SMIM9: variants seen among roughly 807,000 people sequenced by gnomAD.
The protein encoded by SMIM9 is small integral membrane protein 9.
Under a neutral mutation model 7.2 loss-of-function variants are expected in SMIM9, and 8 were observed. The ratio of observed to expected loss-of-function variants is 1.10; its 90% confidence interval spans 0.65 to 1.99. SMIM9 has a LOEUF of 1.99. SMIM9 is among the 30% of genes most tolerant of loss of function. The pLI, the probability that SMIM9 is intolerant of heterozygous loss-of-function variation, is 0.00. For synonymous variants in SMIM9, 19 were observed against 26.4 expected (o/e 0.72, Z 0.86); for missense variants, 76 against 69.3 (o/e 1.10, Z -0.34).
chrX:154,832,920 A>G (rs1248738765), intron 1 of SMIM9, among the ~76,000 whole-genome samples: 1 of 112,469 alleles, frequency 8.9e-6, no homozygotes, highest in Non-Finnish European at 1.9e-5. Flanking sequence ...TAACATATAT[A>G]TGTGGCATTT....
chrX:154,830,210 CCT>C (rs782411803), intron 3 of SMIM9, among the ~76,000 whole-genome samples: 25 of 111,137 alleles, frequency 2.2e-4, no homozygotes, highest in Non-Finnish European at 4.2e-4. Context: ...GTGCTTTGAC[CCT>C]GAAGAAAGAA....
intron 4 of SMIM9, among the ~76,000 whole-genome samples, chrX:154,824,212 C>T (rs2072409167): frequency 2.7e-5 from 3 of 109,196 alleles, no homozygotes; most frequent in Admixed American, 9.7e-5. Flanking sequence ...AAAAAATTAG[C>T]CTGGCGTGGT....
intron 4 of SMIM9, among the ~76,000 whole-genome samples, chrX:154,824,748 A>G (rs1217821867): frequency 8.9e-6 from 1 of 112,276 alleles, no homozygotes; most frequent in Non-Finnish European, 1.9e-5. Context: ...TTCCTTGTAC[A>G]CATATCTTTG....
intron 2 of SMIM9, among the ~76,000 whole-genome samples, chrX:154,831,387 A>G (rs1384749340): frequency 1.8e-5 from 2 of 112,185 alleles, no homozygotes; most frequent in Non-Finnish European, 3.8e-5. Flanking sequence ...TATATATTCA[A>G]GTAACAAACT....
At chrX:154,825,740 A>C (rs1250535559) in intron 4 of SMIM9, among the ~76,000 whole-genome samples, 42 of 110,317 alleles carry the variant, frequency 3.8e-4, no homozygotes, top group Non-Finnish European at 6.5e-4. Flanking sequence ...CTATGCAGCC[A>C]TAAAAAAGGA....
chrX:154,833,649 C>T (rs1000332234), intron 1 of SMIM9, among the ~76,000 whole-genome samples: 1 of 109,758 alleles, frequency 9.1e-6, no homozygotes, highest in South Asian at 3.9e-4. Flanking sequence ...TGGGTGCACC[C>T]AACCACCGTG....
intron 4 of SMIM9, among the ~76,000 whole-genome samples, chrX:154,828,246 G>T (rs1557270329): frequency 9.0e-6 from 1 of 111,317 alleles, no homozygotes; most frequent in Non-Finnish European, 1.9e-5. Flanking sequence ...TCTGAGGGTG[G>T]CTCTGCTTGG....
chrX:154,826,762 C>A (rs902797419), intron 4 of SMIM9, among the ~76,000 whole-genome samples: 3 of 112,002 alleles, frequency 2.7e-5, no homozygotes, highest in Non-Finnish European at 5.6e-5. Flanking sequence ...CTTACTGGAC[C>A]AGTTATTTAC....
At chrX:154,831,609 C>T (rs1444454080) in intron 2 of SMIM9, among the ~76,000 whole-genome samples, 1 of 110,469 alleles carries the variant, frequency 9.1e-6, no homozygotes, top group Non-Finnish European at 1.9e-5. Context: ...AGCCTCTTCT[C>T]CAGTGAGTGG....
intron 4 of SMIM9, among the ~76,000 whole-genome samples, chrX:154,824,721 G>T (rs782153101): frequency 7.5e-4 from 84 of 112,026 alleles, no homozygotes; most frequent in Non-Finnish European, 1.1e-3. Flanking sequence ...CTTCACTATC[G>T]TAAACCATAC....
rs782602739 is a variant in SMIM9 at position 154,831,104 on chromosome X, A to G, written c.-99-149T>C. The G allele has an allele frequency of 2.3e-5, 7 of 304,991 alleles. No homozygotes were observed. In the East Asian group the frequency reaches 3.8e-4, roughly 16 times the overall value. The allele number at this position is 304,991 out of a possible 1,213,427, so 25.1% of individuals were successfully genotyped here. ...TATATCCCCTCCAAGAAAACAAAAC[A>G]AAACCTGACTATGCTCTATCAGGTC... On this transcript the variant is annotated intron_variant, in intron 2 of 4. Coordinates refer to ENST00000369529, the MANE Select transcript of SMIM9 (RefSeq NM_001162936.4).
At chrX:154,825,263 G>C (rs188000243) in intron 4 of SMIM9, among the ~76,000 whole-genome samples, 1 of 110,287 alleles carries the variant, frequency 9.1e-6, no homozygotes, top group Admixed American at 9.6e-5. Flanking sequence ...GTGGTGACGC[G>C]TGCCTGTAAT....
At chrX:154,827,545 T>C (rs1212494127) in intron 4 of SMIM9, 1 of 112,619 alleles carries the variant, frequency 8.9e-6, no homozygotes, top group Non-Finnish European at 1.9e-5. Flanking sequence ...AGACATTTTA[T>C]GGCTAGGCCT....
At chrX:154,831,938 T>C (rs1385168389) in intron 2 of SMIM9, among the ~76,000 whole-genome samples, 4 of 110,847 alleles carry the variant, frequency 3.6e-5, no homozygotes, top group Non-Finnish European at 1.9e-5. Flanking sequence ...ACCTGCTTGA[T>C]TTTTCTCCAG....
chrX:154,828,558 G>T (rs982325975), intron 4 of SMIM9, among the ~76,000 whole-genome samples: 3 of 111,531 alleles, frequency 2.7e-5, no homozygotes, highest in African/African-American at 9.8e-5. Flanking sequence ...TTCGAAGCTG[G>T]TGTCCTTCTT....
intron 1 of SMIM9, 37 bp downstream of exon 1, chrX:154,834,526 C>T (rs1354635756): frequency 8.9e-6 from 1 of 112,293 alleles, no homozygotes; most frequent in East Asian, 2.8e-4. Context: ...TGAAAAATGA[C>T]CTCCAACTTA....
chrX:154,830,867 C>G lies in SMIM9; in HGVS notation c.-11G>C. The stretch of plus-strand genomic sequence containing the variant: ...CTTCTGGGGTTCCATGGACTCCCGC[C>G]TTCAGCTGCGGCTGAAGAGCTGGTA... On this transcript the variant is annotated 5_prime_UTR_variant, in exon 3 of 5. Coordinates refer to ENST00000369529, the MANE Select transcript of SMIM9 (RefSeq NM_001162936.4). 1 of 1,163,673 alleles carries G rather than the reference C, an allele frequency of 8.6e-7. No individual in the cohort carries two copies. The highest frequency in any genetic ancestry group is 1.1e-6 in the Non-Finnish European group (1 of 870,744).
intron 4 of SMIM9, among the ~76,000 whole-genome samples, chrX:154,824,589 T>C (rs2072413042): frequency 8.9e-6 from 1 of 111,821 alleles, no homozygotes; most frequent in Non-Finnish European, 1.9e-5. Flanking sequence ...TATAATCTGC[T>C]TTTTCCACTC....
intron 1 of SMIM9, among the ~76,000 whole-genome samples, chrX:154,834,057 G>A (rs1377073500): frequency 8.9e-6 from 1 of 112,126 alleles, no homozygotes; most frequent in Non-Finnish European, 1.9e-5. Flanking sequence ...GTTGTGACCC[G>A]AAACACTGGA....
Sources: allele counts gnomAD v4.1 joint callset (sites outside exome capture counted in the v4.1 genomes callset), GRCh38; gene constraint gnomAD v4.1.1; transcripts MANE v1.5; gene names NCBI Gene and HGNC (gene_info 2026-07-23, HGNC 2026-07-21).